The following ERBB4 variants were observed in gnomAD, a reference collection of about 807,000 sequenced individuals.
ERBB4 encodes erb-b2 receptor tyrosine kinase 4.
ERBB4 carries 42 observed loss-of-function variants against 158.0 expected under a neutral mutation model. The ratio of observed to expected loss-of-function variants is 0.27; its 90% CI spans 0.21 to 0.34. The LOEUF is 0.34. Ranked by LOEUF, ERBB4 falls within the 10% of genes least tolerant of loss-of-function variation. ERBB4 has a pLI of 1.00. For synonymous variants in ERBB4, 583 were observed against 558.7 expected (o/e 1.04, Z -0.61); for missense variants, 1,333 against 1,624.1 (o/e 0.82, Z 3.08).
intron 1 of ERBB4, among the ~76,000 whole-genome samples, chr2:212,259,976 G>A (rs1316755216): frequency 6.6e-6 from 1 of 151,898 alleles, no homozygotes; most frequent in Non-Finnish European, 1.5e-5. Flanking sequence ...GGCTGAGGCA[G>A]GAGAATCGCT....
intron 1 of ERBB4, among the ~76,000 whole-genome samples, chr2:212,490,743 T>C (rs984978025): frequency 2.6e-5 from 4 of 151,768 alleles, no homozygotes; most frequent in African/African-American, 9.7e-5. Context: ...AAGATTTTCA[T>C]GTAAAATCTT....
intron 2 of ERBB4, among the ~76,000 whole-genome samples, chr2:212,103,479 T>C (rs2079140548): frequency 6.6e-6 from 1 of 152,116 alleles, no homozygotes; most frequent in East Asian, 1.9e-4. Context: ...AAAGTATTAA[T>C]TTGATATTTT....
At chr2:212,073,822 A>G (rs1234479150) in intron 2 of ERBB4, among the ~76,000 whole-genome samples, 1 of 152,046 alleles carries the variant, frequency 6.6e-6, no homozygotes, top group Non-Finnish European at 1.5e-5. Context: ...ATTTTTTTAC[A>G]TTCAACAAGA....
At chr2:211,868,453 C>G (rs2078262957) in intron 3 of ERBB4, among the ~76,000 whole-genome samples, 1 of 152,094 alleles carries the variant, frequency 6.6e-6, no homozygotes, top group African/African-American at 2.4e-5. Context: ...GTCTGATACC[C>G]TGAAGTGAAA....
intron 4 of ERBB4, among the ~76,000 whole-genome samples, chr2:211,780,578 G>A (rs1344413749): frequency 6.6e-6 from 1 of 152,152 alleles, no homozygotes; most frequent in Admixed American, 6.5e-5. Flanking sequence ...TAAATAGAGT[G>A]TCAAAGGCCT....
intron 1 of ERBB4, among the ~76,000 whole-genome samples, chr2:212,498,554 G>A (rs1690709531): frequency 6.6e-6 from 1 of 151,894 alleles, no homozygotes; most frequent in African/African-American, 2.4e-5. Flanking sequence ...ATTCCACCTA[G>A]GGACAGGATT....
chr2:212,048,294 G>T (rs1250337160), intron 2 of ERBB4, among the ~76,000 whole-genome samples: 3 of 152,140 alleles, frequency 2.0e-5, no homozygotes, highest in African/African-American at 7.2e-5. Flanking sequence ...TTTAAGTGGT[G>T]GAGTGATGAC....
At chr2:212,165,909 A>G (rs1482907896) in intron 1 of ERBB4, among the ~76,000 whole-genome samples, 2 of 152,098 alleles carry the variant, frequency 1.3e-5, no homozygotes, top group Non-Finnish European at 2.9e-5. Flanking sequence ...TTTTTTCATA[A>G]CACTTTAATT....
At chr2:211,814,596 G>A (rs1419094752) in intron 3 of ERBB4, among the ~76,000 whole-genome samples, 1 of 151,658 alleles carries the variant, frequency 6.6e-6, no homozygotes, top group East Asian at 1.9e-4. Flanking sequence ...CCAATAGAAA[G>A]CAAAGCAGGC....
chr2:211,764,158 C>T (rs1006928731), intron 4 of ERBB4, among the ~76,000 whole-genome samples: 6 of 152,070 alleles, frequency 3.9e-5, no homozygotes, highest in Non-Finnish European at 7.4e-5. Flanking sequence ...GGATAATGGA[C>T]ATATAATATA....
At chr2:211,394,759 C>CTGAT (rs1476360674) in intron 25 of ERBB4, among the ~76,000 whole-genome samples, 2 of 151,928 alleles carry the variant, frequency 1.3e-5, no homozygotes, top group African/African-American at 4.8e-5. Context: ...TAAAGAATAT[C>CTGAT]TGATGAAGAT....
At chr2:212,121,402 G>T (rs149866369) in intron 2 of ERBB4, among the ~76,000 whole-genome samples, 36 of 152,152 alleles carry the variant, frequency 2.4e-4, no homozygotes, top group Admixed American at 5.2e-4. Flanking sequence ...TAGTCGAGAC[G>T]AGGTTTCACT....
chr2:211,532,687 C>A (rs10197225), intron 20 of ERBB4, among the ~76,000 whole-genome samples: 2 of 151,400 alleles, frequency 1.3e-5, no homozygotes, highest in East Asian at 1.9e-4. Flanking sequence ...ACAAGACGTC[C>A]GGAAATGACA....
rs182779086 is a variant in ERBB4 at position 212,259,509 on chromosome 2, G to A, written c.83-134606C>T. 2.3e-3 allele frequency among the ~76,000 whole-genome samples: 347 copies of A among 152,236 alleles called. 2 individuals carry two copies. Among genetic ancestry groups the A allele is most frequent in the Non-Finnish European group, 4.1e-3 (276 of 68,000 alleles). ...TAAGAAGAAACAAGGACACAAGTAC[G>A]GATCTGTTGGTTCAAATGATACAAT... On this transcript the variant is annotated intron_variant, in intron 1 of 27. Transcript: ENST00000342788.
chr2:212,077,875 A>G (rs2078319029), intron 2 of ERBB4, among the ~76,000 whole-genome samples: 1 of 152,098 alleles, frequency 6.6e-6, no homozygotes, highest in Non-Finnish European at 1.5e-5. Flanking sequence ...TGAAAATTTT[A>G]AAGTGCTGGG....
intron 27 of ERBB4, among the ~76,000 whole-genome samples, chr2:211,385,131 T>C (rs2125314531): frequency 6.6e-6 from 1 of 152,212 alleles, no homozygotes; most frequent in Admixed American, 6.5e-5. Context: ...CTTAGCCCAA[T>C]AAGTAGAGAG....
rs925667581 is a variant in ERBB4 at position 211,396,016 on chromosome 2, G to GA, written c.3136-8025dup. ...TAAGGCAGGTTTGAACTAAGAATAA[G>GA]AAAAAAAAAAAGACTATAAACACTT... On this transcript the variant is annotated intron_variant, in intron 25 of 27. Coordinates refer to ENST00000342788, the MANE Select transcript of ERBB4 (RefSeq NM_005235.3). Among the ~76,000 whole-genome samples, 236 of 138,998 alleles carry GA rather than the reference G, an allele frequency of 1.7e-3. 2 individuals carry two copies. In the Middle Eastern group the frequency reaches 0.019, roughly 11 times the overall value. 91.2% of individuals were successfully genotyped at this position (138,998 alleles called of 152,430 possible).
At chr2:211,949,114 A>T (rs182126913) in intron 2 of ERBB4, among the ~76,000 whole-genome samples, 3 of 151,912 alleles carry the variant, frequency 2.0e-5, no homozygotes, top group African/African-American at 7.3e-5. Flanking sequence ...ATGATCAGAA[A>T]CTCAACTACC....
rs149153139 is a variant in ERBB4, at chr2:212,470,240, A to G, written c.82+68209T>C. On this transcript the variant is annotated intron_variant, in intron 1 of 27. Transcript: ENST00000342788. ...TACTGCTTCAAATAAAGTAAAGATT[A>G]TGTTCTTACAACACATCTATCTGGA... is the stretch of plus-strand genomic sequence containing the variant. 1.5e-3 allele frequency among the ~76,000 whole-genome samples: 227 copies of G among 152,212 alleles called. 1 individual carries two copies. The highest frequency in any genetic ancestry group is 5.0e-3 in the African/African-American group (206 of 41,560).
Sources: allele counts gnomAD v4.1 joint callset (sites outside exome capture counted in the v4.1 genomes callset), GRCh38; gene constraint gnomAD v4.1.1; transcripts MANE v1.5; gene names NCBI Gene and HGNC (gene_info 2026-07-23, HGNC 2026-07-21).